Variants in ZFHX3 observed in about 807,000 individuals in gnomAD.
ZFHX3 encodes the protein zinc finger homeobox protein 3.
A neutral mutation model predicts 279.1 loss-of-function variants in ZFHX3; 42 were observed. That is an observed-to-expected ratio of 0.15 (90% CI 0.12 to 0.19). The LOEUF (loss-of-function observed/expected upper bound fraction) is 0.19, where lower values mean the gene tolerates loss of function less well. ZFHX3 is among the 10% of genes least tolerant of loss of function. The pLI, the probability that ZFHX3 is intolerant of heterozygous loss-of-function variation, is 1.00. For synonymous variants in ZFHX3, 2,293 were observed against 1,957.8 expected, an observed-to-expected ratio of 1.17 and a Z score of -4.52; for missense variants, 4,981 against 4,754.0, an observed-to-expected ratio of 1.05 and a Z score of -1.40.
At chr16:73,044,303 G>GCCCC (rs1401478592) in intron 1 of ZFHX3, among the ~76,000 whole-genome samples, 1 of 152,058 alleles carries the variant, frequency 6.6e-6, no homozygotes, top group Non-Finnish European at 1.5e-5. Flanking sequence ...TTACAGTAAC[G>GCCCC]CCCCCATCCT....
chr16:73,809,057 C>A (rs1388139873), intron 1 of ZFHX3, among the ~76,000 whole-genome samples: 1 of 152,074 alleles, frequency 6.6e-6, no homozygotes, highest in Non-Finnish European at 1.5e-5. Context: ...GCAATAAGTG[C>A]AATGTTTCCT....
In ZFHX3 at chr16:72,957,596, G is replaced by A. The variant is rs751093776; in HGVS notation, c.2550C>T (p.Leu850=). The A allele has an allele frequency of 1.1e-5, 18 of 1,614,018 alleles. No homozygotes were observed. Among genetic ancestry groups the A allele is most frequent in the East Asian group, 4.5e-5 (2 of 44,882 alleles). ...CCTCGGCGGGTGAGGGCAGGCTGCC[G>A]AGGCCCAGGTGGCGGTTGTGTTGGA... is the stretch of plus-strand genomic sequence containing the variant. The part of the protein sequence containing the change: ...TQIQHNRHLG[L]GSLPSPAEAE... Residue 850 remains leucine, a synonymous_variant, in exon 2 of 10, where the codon CTC becomes CTT. Coordinates refer to ENST00000268489, the MANE Select transcript of ZFHX3 (RefSeq NM_006885.4).
At chr16:73,642,205 G>A (rs1462770687) in intron 2 of ZFHX3, among the ~76,000 whole-genome samples, 1 of 152,158 alleles carries the variant, frequency 6.6e-6, no homozygotes, top group African/African-American at 2.4e-5. Flanking sequence ...TCAAGCACAT[G>A]GTTCATTAGA....
chr16:72,958,521 G>T lies in ZFHX3; in HGVS notation c.1625C>A (p.Thr542Asn). 1 of 1,614,040 alleles carries T rather than the reference G, an allele frequency of 6.2e-7. No individual in the cohort carries two copies. Among genetic ancestry groups the T allele is most frequent in the South Asian group, 1.1e-5 (1 of 91,076 alleles). The part of the protein sequence containing the change: ...NSPLMPNVLQ[T>N]LSRGTASTSS... ...AGTAGAAGCTGTGCCCCTCGACAGGGTCTGGAGCACGTTAGGCATTAAGGG... is the reference window on the plus strand; with the variant it reads ...AGTAGAAGCTGTGCCCCTCGACAGGTTCTGGAGCACGTTAGGCATTAAGGG... The change falls in exon 2 of 10, where the codon ACC (threonine) becomes AAC (asparagine). Residue 542 changes from threonine (T) to asparagine (N), a missense_variant. By Grantham distance (65) the Thr-to-Asn change is moderately conservative. Around this residue, in one of 7 missense-constraint regions of ZFHX3, gnomAD observed 1,068 missense variants for 935.2 expected, o/e 1.14. Coordinates refer to ENST00000268489, the MANE Select transcript of ZFHX3 (RefSeq NM_006885.4).
chr16:72,920,600 G>A (rs894790417), intron 3 of ZFHX3, among the ~76,000 whole-genome samples: 5 of 152,118 alleles, frequency 3.3e-5, no homozygotes, highest in Middle Eastern at 3.4e-3. Context: ...AACCCAGGAG[G>A]TGGAGGTTGT....
chr16:73,868,532 A>T (rs1238736837), intron 1 of ZFHX3, among the ~76,000 whole-genome samples: 2 of 151,874 alleles, frequency 1.3e-5, no homozygotes, highest in East Asian at 3.9e-4. Flanking sequence ...TCAAACAAAC[A>T]AAAAAGATTT....
chr16:73,624,743 G>T (rs1475376562), intron 2 of ZFHX3, among the ~76,000 whole-genome samples: 1 of 152,144 alleles, frequency 6.6e-6, no homozygotes, highest in East Asian at 1.9e-4. Context: ...GGAGAAGCCT[G>T]ATCCAATTTT....
In ZFHX3 at chr16:72,958,380, T is replaced by C; in HGVS notation, c.1766A>G (p.Asp589Gly). The C allele has an allele frequency of 6.2e-7, 1 of 1,614,174 alleles. No homozygotes were observed. Among genetic ancestry groups the C allele is most frequent in the Non-Finnish European group, 8.5e-7 (1 of 1,180,024 alleles). ...ANVAEGGRRL[D>G]FADESANKDN... ...TTTATTGGCACTTTCGTCAGCGAAGTCCAGCCTCCTGCCGCCCTCTGCCAC... is the reference window on the plus strand; with the variant it reads ...TTTATTGGCACTTTCGTCAGCGAAGCCCAGCCTCCTGCCGCCCTCTGCCAC... The change falls in exon 2 of 10, where the codon GAC becomes GGC. Residue 589 changes from aspartate (D) to glycine (G), a missense_variant. By Grantham distance (94) the Asp-to-Gly change is moderately conservative. Around this residue, in one of 7 missense-constraint regions of ZFHX3, gnomAD observed 1,068 missense variants for 935.2 expected, o/e 1.14. Coordinates refer to ENST00000268489, the MANE Select transcript of ZFHX3 (RefSeq NM_006885.4).
At chr16:72,942,197 C>T (rs930935555) in intron 3 of ZFHX3, among the ~76,000 whole-genome samples, 20 of 152,162 alleles carry the variant, frequency 1.3e-4, no homozygotes, top group Non-Finnish European at 2.4e-4. Flanking sequence ...TGAAAGAATT[C>T]AACATTGAGT....
chr16:73,610,836 A>G (rs1316708634), intron 2 of ZFHX3, among the ~76,000 whole-genome samples: 3 of 152,224 alleles, frequency 2.0e-5, no homozygotes, highest in South Asian at 2.1e-4. Context: ...GCTTAGATAC[A>G]TAGATTCTAA....
At chr16:73,382,056 G>A (rs577660077) in intron 3 of ZFHX3, among the ~76,000 whole-genome samples, 23 of 152,262 alleles carry the variant, frequency 1.5e-4, no homozygotes, top group African/African-American at 5.3e-4. Context: ...GCTGGCCTGT[G>A]GGCCATAGTT....
rs1363553055 is a variant in ZFHX3 at position 72,926,475 on chromosome 16, T to C, written c.3216+23994A>G. Among the ~76,000 whole-genome samples, 4 of 152,338 alleles carry C rather than the reference T, an allele frequency of 2.6e-5. No individual in the cohort carries two copies. In the East Asian group the frequency reaches 7.7e-4, roughly 29 times the overall value. On this transcript the variant is annotated intron_variant, in intron 3 of 9. Transcript: ENST00000268489. Reference sequence around the variant, plus strand: ...TACAGAATCCACTTTGAAAAACATATTCGGGCCCTTGTGGAAGTTACCAGT... The same window carrying C: ...TACAGAATCCACTTTGAAAAACATACTCGGGCCCTTGTGGAAGTTACCAGT...
chr16:73,835,675 T>C (rs1454171215), intron 1 of ZFHX3, among the ~76,000 whole-genome samples: 1 of 151,978 alleles, frequency 6.6e-6, no homozygotes, highest in Non-Finnish European at 1.5e-5. Context: ...TTCACCATGT[T>C]GGTCAGGCTT....
chr16:73,053,501 G>A (rs866159338), intron 1 of ZFHX3, among the ~76,000 whole-genome samples: 1 of 152,090 alleles, frequency 6.6e-6, no homozygotes, highest in South Asian at 2.1e-4. Context: ...TGGAGAAGTG[G>A]ACAATAAGGA....
At chr16:73,307,892 A>C (rs1224169194) in intron 4 of ZFHX3, among the ~76,000 whole-genome samples, 1 of 152,180 alleles carries the variant, frequency 6.6e-6, no homozygotes, top group Non-Finnish European at 1.5e-5. Flanking sequence ...GGTACCTTGA[A>C]GATGAGCAAT....
At chr16:73,711,154 A>G (rs2053358967) in intron 1 of ZFHX3, among the ~76,000 whole-genome samples, 1 of 152,128 alleles carries the variant, frequency 6.6e-6, no homozygotes, top group African/African-American at 2.4e-5. Flanking sequence ...AACTGTATCC[A>G]TTCCCTCTCC....
At chr16:73,300,650 C>T (rs183206666) in intron 4 of ZFHX3, among the ~76,000 whole-genome samples, 1 of 152,222 alleles carries the variant, frequency 6.6e-6, no homozygotes, top group Non-Finnish European at 1.5e-5. Flanking sequence ...ATTACAGGCG[C>T]CTGCCACCAT....
At chr16:73,169,779 T>C (rs1175915667) in intron 5 of ZFHX3, among the ~76,000 whole-genome samples, 2 of 152,192 alleles carry the variant, frequency 1.3e-5, no homozygotes, top group East Asian at 1.9e-4. Context: ...GGATTCTTGA[T>C]ATTAATGGAT....
chr16:73,190,926 G>C (rs1193898513), intron 5 of ZFHX3, among the ~76,000 whole-genome samples: 2 of 139,180 alleles, frequency 1.4e-5, no homozygotes, highest in Non-Finnish European at 3.1e-5. Flanking sequence ...TTTTTTTTTT[G>C]TAAATTGCCG....
Sources: allele counts gnomAD v4.1 joint callset (sites outside exome capture counted in the v4.1 genomes callset), GRCh38; gene constraint gnomAD v4.1.1; regional missense constraint gnomAD v4.1.1; transcripts MANE v1.5; gene names NCBI Gene and HGNC (gene_info 2026-07-23, HGNC 2026-07-21).